DOK6: variants seen among roughly 807,000 people sequenced by gnomAD.
The protein encoded by DOK6 is docking protein 6.
DOK6 carries 22 observed loss-of-function variants against 44.0 expected under a neutral mutation model. The ratio of observed to expected loss-of-function variants is 0.50; its 90% CI spans 0.36 to 0.71. The LOEUF is 0.71. Among genes scored for constraint, DOK6 ranks in the 30% least tolerant of loss-of-function variants. The pLI is 0.00. For missense variants in DOK6, 340 were observed against 416.4 expected (o/e 0.82, Z 1.60); for synonymous variants, 166 against 145.5 (o/e 1.14, Z -1.01).
intron 1 of DOK6, among the ~76,000 whole-genome samples, chr18:69,494,474 TC>T (rs1339603470): frequency 3.3e-5 from 4 of 122,646 alleles, no homozygotes; most frequent in Non-Finnish European, 7.3e-5. Flanking sequence ...AGATTCTGTC[TC>T]AAAAAACAAA....
intron 7 of DOK6, among the ~76,000 whole-genome samples, chr18:69,812,706 G>A (rs919603156): frequency 2.6e-5 from 4 of 152,136 alleles, no homozygotes; most frequent in African/African-American, 4.8e-5. Context: ...TAAAAAAGAA[G>A]TTTAATTGAC....
At chr18:69,817,776 T>C (rs1294569902) in intron 7 of DOK6, among the ~76,000 whole-genome samples, 1 of 152,146 alleles carries the variant, frequency 6.6e-6, no homozygotes, top group Non-Finnish European at 1.5e-5. Context: ...AGTCATCCTC[T>C]AACAACGGAG....
intron 7 of DOK6, among the ~76,000 whole-genome samples, chr18:69,808,843 G>T (rs953456346): frequency 6.6e-6 from 1 of 151,642 alleles, no homozygotes; most frequent in Admixed American, 6.6e-5. Flanking sequence ...CTTCACAACT[G>T]AACTCAGCCA....
At chr18:69,767,942 C>G (rs544901650) in intron 7 of DOK6, among the ~76,000 whole-genome samples, 1 of 152,150 alleles carries the variant, frequency 6.6e-6, no homozygotes, top group South Asian at 2.1e-4. Context: ...AGATGTTACA[C>G]TGGATTAGTA....
intron 6 of DOK6, among the ~76,000 whole-genome samples, chr18:69,756,137 G>A (rs935942148): frequency 6.6e-6 from 1 of 152,204 alleles, no homozygotes; most frequent in African/African-American, 2.4e-5. Context: ...AGTCCCATAT[G>A]AGCAATGACC....
At chr18:69,461,943 G>A (rs1015720524) in intron 1 of DOK6, among the ~76,000 whole-genome samples, 4 of 151,776 alleles carry the variant, frequency 2.6e-5, no homozygotes, top group African/African-American at 4.9e-5. Flanking sequence ...CCTTGTTGTC[G>A]CCTATAGGAT....
At chr18:69,491,154 T>C (rs180750525) in intron 1 of DOK6, among the ~76,000 whole-genome samples, 2 of 152,358 alleles carry the variant, frequency 1.3e-5, no homozygotes, top group Non-Finnish European at 2.9e-5. Context: ...ATACTAAACA[T>C]TCAGTAAGTG....
intron 7 of DOK6, among the ~76,000 whole-genome samples, chr18:69,765,770 G>A (rs1430110111): frequency 6.6e-6 from 1 of 152,116 alleles, no homozygotes; most frequent in Non-Finnish European, 1.5e-5. Context: ...ACTGACTGAT[G>A]TGATTTTTGG....
At chr18:69,640,164 C>G (rs1432606565) in intron 3 of DOK6, among the ~76,000 whole-genome samples, 1 of 152,210 alleles carries the variant, frequency 6.6e-6, no homozygotes, top group Non-Finnish European at 1.5e-5. Flanking sequence ...GGCCTGCATA[C>G]TTGAGCTGAT....
intron 7 of DOK6, among the ~76,000 whole-genome samples, chr18:69,765,545 T>A (rs1220601096): frequency 6.6e-6 from 1 of 152,224 alleles, no homozygotes; most frequent in Non-Finnish European, 1.5e-5. Flanking sequence ...CACCTGCTTT[T>A]CCGTGCTCCC....
chr18:69,809,612 AC>A (rs111889291), intron 7 of DOK6, among the ~76,000 whole-genome samples: 9,071 of 150,416 alleles, frequency 0.06, 315 homozygotes, highest in Middle Eastern at 0.13. Context: ...AAGAAAAAAA[AC>A]AGACAAAACT....
chr18:69,624,313 G>A (rs897232593), intron 3 of DOK6, among the ~76,000 whole-genome samples: 17 of 151,776 alleles, frequency 1.1e-4, no homozygotes, highest in African/African-American at 3.4e-4. Context: ...TCATCCTATC[G>A]GTTAAAAATG....
At chr18:69,535,417 A>G (rs550429213) in intron 1 of DOK6, among the ~76,000 whole-genome samples, 1 of 152,012 alleles carries the variant, frequency 6.6e-6, no homozygotes, top group Non-Finnish European at 1.5e-5. Context: ...TGTAATTCTA[A>G]TAATTTTCAA....
intron 1 of DOK6, among the ~76,000 whole-genome samples, chr18:69,461,159 T>C (rs544349624): frequency 1.3e-5 from 2 of 152,300 alleles, no homozygotes; most frequent in East Asian, 1.9e-4. Flanking sequence ...GATGAACACA[T>C]ATACTTCAGA....
chr18:69,698,579 G>A lies in DOK6; in HGVS notation c.585G>A (p.Thr195=), dbSNP rs75985402. 4,709 of 1,613,452 alleles carry A rather than the reference G, an allele frequency of 2.9e-3. 18 individuals carry two copies. The highest frequency in any genetic ancestry group is 0.026 in the East Asian group (1,175 of 44,872). ...RRYGRDSTWF[T]FESGRMCDTG... ...ACGGTCGGGACTCAACGTGGTTCAC[G>A]TTTGAGTCAGGAAGGTAAGATCTAG... The change falls in exon 5 of 8, where the codon ACG becomes ACA. Residue 195 remains threonine, a synonymous_variant. Coordinates refer to ENST00000382713, the MANE Select transcript of DOK6 (RefSeq NM_152721.6).
intron 7 of DOK6, among the ~76,000 whole-genome samples, chr18:69,819,251 A>G (rs755598563): frequency 6.6e-6 from 1 of 152,176 alleles, no homozygotes; most frequent in Admixed American, 6.5e-5. Flanking sequence ...TTTAGCATGT[A>G]TTTCTCTCAA....
intron 7 of DOK6, among the ~76,000 whole-genome samples, chr18:69,837,120 A>G (rs1024158331): frequency 6.6e-6 from 1 of 152,232 alleles, no homozygotes; most frequent in African/African-American, 2.4e-5. Context: ...TATTCTAAGT[A>G]TGTCATAGTG....
At chr18:69,558,487 C>T (rs1267225214) in intron 1 of DOK6, among the ~76,000 whole-genome samples, 8 of 151,576 alleles carry the variant, frequency 5.3e-5, no homozygotes, top group African/African-American at 1.9e-4. Flanking sequence ...TTTTTTTTTG[C>T]TACTTTAAGT....
intron 1 of DOK6, among the ~76,000 whole-genome samples, chr18:69,534,112 A>T (rs1982055617): frequency 6.6e-6 from 1 of 152,118 alleles, no homozygotes; most frequent in Admixed American, 6.6e-5. Flanking sequence ...TTTTTAAAAT[A>T]CATTTTTCAA....
Sources: gnomAD v4.1 joint callset for allele counts (sites outside exome capture counted in the v4.1 genomes callset) on GRCh38, gnomAD v4.1.1 for gene constraint, MANE v1.5 for transcripts, NCBI Gene and HGNC (gene_info 2026-07-23, HGNC 2026-07-21) for gene names.